Variants in PCM1 observed in about 807,000 individuals in gnomAD.
PCM1 encodes the protein pericentriolar material 1 protein.
PCM1 carries 157 observed loss-of-function variants against 241.9 expected under a neutral mutation model. That is an observed-to-expected ratio of 0.65 (90% confidence interval 0.57 to 0.74). The LOEUF is 0.74. Among genes scored for constraint, PCM1 ranks in the 30% least tolerant of loss-of-function variants. The probability of loss-of-function intolerance (pLI) is 0.00; values close to 1 mark genes in which losing one functional copy is unlikely to be tolerated. For missense variants in PCM1, 3,478 were observed against 2,360.1 expected, an observed-to-expected ratio of 1.47 and a Z score of -9.81; for synonymous variants, 1,085 against 784.9, an observed-to-expected ratio of 1.38 and a Z score of -6.39.
chr8:17,946,683 G>C (rs1563785877), intron 6 of PCM1, among the ~76,000 whole-genome samples: 1 of 152,064 alleles, frequency 6.6e-6, no homozygotes, highest in Non-Finnish European at 1.5e-5. Flanking sequence ...TTTTAGTAGA[G>C]ATGGGGTTTC....
Position 17,955,635 on chromosome 8 carries a change from A to G in PCM1, c.1454A>G (p.Asn485Ser), listed in dbSNP as rs575964209. ...QNESENEGHL[N>S]PSEKLQKLNE... The stretch of plus-strand genomic sequence containing the variant: ...GAGAGTGAAAACGAAGGCCACCTCA[A>G]TCCATCTGAAAAACTCCAGTAAAAC... Residue 485 changes from asparagine to serine, a missense_variant, in exon 10 of 39, where the codon AAT (asparagine) becomes AGT (serine). Transcript: ENST00000325083. The G allele has an allele frequency of 2.2e-5, 36 of 1,612,880 alleles. No homozygotes were observed. The highest frequency in any genetic ancestry group is 3.3e-5 in the South Asian group (3 of 91,050).
Position 17,964,598 on chromosome 8 carries a change from G to T in PCM1, c.2685G>T (p.Gln895His), listed in dbSNP as rs747498789. 1.9e-6 allele frequency: 3 copies of T among 1,613,890 alleles called. No homozygotes were observed. Among genetic ancestry groups the T allele is most frequent in the Admixed American group, 1.7e-5 (1 of 60,016 alleles). ...KTMATWGGST[Q>H]CALDEEGDED... ...TGGCAACTTGGGGAGGGTCTACCCA[G>T]TGTGCACTAGATGAAGAAGGAGATG... The change falls in exon 18 of 39, where the codon CAG (glutamine) becomes CAT (histidine). Residue 895 changes from glutamine to histidine, a missense_variant. Physicochemically the swap from Gln to His is conservative, Grantham distance 24. Transcript: ENST00000325083.
In PCM1 at chr8:17,922,991, A is replaced by G. The variant is rs537505167; in HGVS notation, c.-288A>G. On this transcript the variant is annotated 5_prime_UTR_variant, in exon 1 of 39. An upstream start codon of the reference 5' UTR is lost. Transcript: ENST00000325083. ...CCCCCGCCCCTCTTCTCCCACCACAATGAGATCCTAAGATGGCGGTGGCTG... is the reference window on the plus strand; with the variant it reads ...CCCCCGCCCCTCTTCTCCCACCACAGTGAGATCCTAAGATGGCGGTGGCTG... 1 of 152,374 alleles carries G rather than the reference A, an allele frequency of 6.6e-6. No homozygotes were observed. The highest frequency in any genetic ancestry group is 2.4e-5 in the African/African-American group (1 of 41,548). 9.4% of individuals were successfully genotyped at this position (152,374 alleles called of 1,614,324 possible).
intron 2 of PCM1, among the ~76,000 whole-genome samples, chr8:17,933,062 C>T (rs115394226): frequency 6.6e-6 from 1 of 152,152 alleles, no homozygotes; most frequent in Non-Finnish European, 1.5e-5. Context: ...TGTTAAAGCT[C>T]TAAATGTATC....
intron 15 of PCM1, among the ~76,000 whole-genome samples, chr8:17,960,886 A>C (rs1586903401): frequency 1.3e-5 from 2 of 152,248 alleles, no homozygotes; most frequent in East Asian, 3.9e-4. Context: ...TGGATGAACT[A>C]ATGAAGAGTT....
At chr8:17,959,870 C>T (rs1028539734) in intron 13 of PCM1, 144 bp from the exon 14 acceptor site, 23 of 651,404 alleles carry the variant, frequency 3.5e-5, no homozygotes, top group African/African-American at 3.0e-4. Flanking sequence ...ATATTGAACA[C>T]GTGTACACAT....
intron 2 of PCM1, among the ~76,000 whole-genome samples, chr8:17,929,526 A>G (rs1338256928): frequency 6.6e-6 from 1 of 152,176 alleles, no homozygotes; most frequent in Non-Finnish European, 1.5e-5. Context: ...CCATTTCTAA[A>G]ACTTGAACTC....
chr8:17,980,567 C>G (rs1004493384), intron 23 of PCM1, 24 bp from the exon 24 acceptor site: 6 of 1,559,212 alleles, frequency 3.8e-6, no homozygotes, highest in Non-Finnish European at 5.2e-6. Context: ...CAACTGATAA[C>G]AGTTGTCACT....
In PCM1 at chr8:17,939,020, T is replaced by G. The variant is rs746020368; in HGVS notation, c.612+11T>G. The G allele has an allele frequency of 6.2e-6, 10 of 1,612,586 alleles. No individual in the cohort carries two copies. The East Asian group carries it at 2.2e-4, about 36-fold the overall frequency. On this transcript the variant is annotated intron_variant, in intron 5 of 38. Transcript: ENST00000325083. Reference sequence around the variant, plus strand: ...ATGGAGAGCAGCCAGGTGATAACGTTTGTTTCTTTTGCTCATTCTTTACAC... The same window carrying G: ...ATGGAGAGCAGCCAGGTGATAACGTGTGTTTCTTTTGCTCATTCTTTACAC...
chr8:17,959,148 T>G (rs1390751709), intron 13 of PCM1, among the ~76,000 whole-genome samples: 1 of 152,200 alleles, frequency 6.6e-6, no homozygotes, highest in Non-Finnish European at 1.5e-5. Context: ...TTTTGTGGTA[T>G]GTTTCTTTGT....
chr8:17,980,535 C>G, intron 23 of PCM1, 56 bp from the exon 24 acceptor site: 5 of 1,442,748 alleles, frequency 3.5e-6, no homozygotes, highest in Non-Finnish European at 4.7e-6. Flanking sequence ...AAACCGATTT[C>G]CCTTTTAGTT....
chr8:17,964,599 T>C lies in PCM1; in HGVS notation c.2686T>C (p.Cys896Arg), dbSNP rs769469604. 2 of 1,613,742 alleles carry C rather than the reference T, an allele frequency of 1.2e-6. No individual in the cohort carries two copies. Among genetic ancestry groups the C allele is most frequent in the Non-Finnish European group, 1.7e-6 (2 of 1,179,838 alleles). ...GGCAACTTGGGGAGGGTCTACCCAGTGTGCACTAGATGAAGAAGGAGATGA... is the reference window on the plus strand; with the variant it reads ...GGCAACTTGGGGAGGGTCTACCCAGCGTGCACTAGATGAAGAAGGAGATGA... ...TMATWGGSTQ[C>R]ALDEEGDEDG... Residue 896 changes from cysteine (C) to arginine (R), a missense_variant, in exon 18 of 39, where the codon TGT becomes CGT. Coordinates refer to ENST00000325083, the MANE Select transcript of PCM1 (RefSeq NM_006197.4).
chr8:17,990,772 A>G (rs868786417), intron 27 of PCM1, among the ~76,000 whole-genome samples: 1 of 152,082 alleles, frequency 6.6e-6, no homozygotes, highest in African/African-American at 2.4e-5. Context: ...TTTCAAAGGT[A>G]TTTTTCCACT....
chr8:17,946,353 G>C (rs550665551), intron 6 of PCM1, among the ~76,000 whole-genome samples: 6 of 152,102 alleles, frequency 3.9e-5, no homozygotes, highest in African/African-American at 1.4e-4. Flanking sequence ...AATATGATGT[G>C]ATTAAATGAA....
rs1360335310 is a variant in PCM1 at position 17,953,062 on chromosome 8, T to C, written c.1164T>C (p.Arg388=). The C allele has an allele frequency of 3.7e-6, 6 of 1,606,706 alleles. No homozygotes were observed. Among genetic ancestry groups the C allele is most frequent in the Non-Finnish European group, 5.1e-6 (6 of 1,176,190 alleles). The change falls in exon 9 of 39, where the codon CGT becomes CGC. Residue 388 remains arginine (R), a synonymous_variant. Transcript: ENST00000325083. ...SQSRKPSASE[R]LPDEKVELFS... is the part of the protein sequence containing the mutation. ...GCAGGAAACCATCAGCTTCAGAACG[T>C]TTACCTGATGAGAAAGTCGAACTTT...
Position 17,960,166 on chromosome 8 carries a change from G to C in PCM1, c.2192+1G>C. ...ATACTGGAGTAAATGAAAAGGCAAG[G>C]TATGTTAAGCTTTTGGCCTTCATTT... On this transcript the variant is annotated splice_donor_variant, in intron 14 of 38. Coordinates refer to ENST00000325083, the MANE Select transcript of PCM1 (RefSeq NM_006197.4). LOFTEE classifies it high-confidence loss of function. The C allele has an allele frequency of 6.4e-7, 1 of 1,564,772 alleles. No homozygotes were observed. The highest frequency in any genetic ancestry group is 1.2e-5 in the South Asian group (1 of 84,420).
Position 17,980,771 on chromosome 8 carries a change from G to C in PCM1, c.4108+16G>C. 6.3e-7 allele frequency: 1 copy of C among 1,582,842 alleles called. No homozygotes were observed. Among genetic ancestry groups the C allele is most frequent in the Non-Finnish European group, 8.6e-7 (1 of 1,164,816 alleles). On this transcript the variant is annotated intron_variant, in intron 24 of 38. Transcript: ENST00000325083. ...ATATCTTCAGGTATGTTCTTTTTTG[G>C]TTTGCATTAATATAAGGAGGTTTTC...
At chr8:18,019,766 C>G (rs572043835) in intron 36 of PCM1, among the ~76,000 whole-genome samples, 2 of 152,306 alleles carry the variant, frequency 1.3e-5, no homozygotes, top group South Asian at 4.1e-4. Context: ...GCTCCCCCCA[C>G]CACTCACCTC....
intron 13 of PCM1, among the ~76,000 whole-genome samples, chr8:17,958,477 A>G (rs1045231694): frequency 1.3e-5 from 2 of 152,162 alleles, no homozygotes; most frequent in African/African-American, 4.8e-5. Flanking sequence ...TTACATAACT[A>G]TTAACACAAA....
Sources: allele counts gnomAD v4.1 joint callset (sites outside exome capture counted in the v4.1 genomes callset), GRCh38; gene constraint gnomAD v4.1.1; transcripts MANE v1.5; gene names NCBI Gene and HGNC (gene_info 2026-07-23, HGNC 2026-07-21).